Variants in VOPP1 observed in about 807,000 individuals in gnomAD.
The protein encoded by VOPP1 is WW domain binding protein VOPP1.
VOPP1 carries 8 observed loss-of-function variants against 23.5 expected under a neutral mutation model. The observed-to-expected ratio is 0.34, with a 90% CI of 0.20 to 0.61. The LOEUF (loss-of-function observed/expected upper bound fraction) is 0.61. Among genes scored for constraint, VOPP1 ranks in the 20% least tolerant of loss-of-function variants. The pLI is 0.78. For synonymous variants in VOPP1, 83 were observed against 97.3 expected (o/e 0.85, Z 0.86); for missense variants, 174 against 238.1 (o/e 0.73, Z 1.77).
At chr7:55,446,987 T>C (rs1791115402) in intron 4 of VOPP1, among the ~76,000 whole-genome samples, 1 of 152,214 alleles carries the variant, frequency 6.6e-6, no homozygotes, top group African/African-American at 2.4e-5. Context: ...GCTCTAGATA[T>C]CACATCAGTG....
intron 1 of VOPP1, among the ~76,000 whole-genome samples, chr7:55,528,863 T>C (rs936156550): frequency 3.9e-5 from 6 of 152,160 alleles, no homozygotes; most frequent in African/African-American, 1.4e-4. Context: ...AGAAAGTTTA[T>C]CATGGAAAAT....
chr7:55,544,212 T>C (rs60841392), intron 1 of VOPP1, among the ~76,000 whole-genome samples: 2,874 of 152,328 alleles, frequency 0.019, 94 homozygotes, highest in African/African-American at 0.065. Flanking sequence ...TTGTCAAAAA[T>C]CAACTGGCTG....
At chr7:55,538,750 G>A (rs1376687656) in intron 1 of VOPP1, 16 of 1,195,404 alleles carry the variant, frequency 1.3e-5, no homozygotes, top group Admixed American at 4.3e-5. Context: ...ATAAAGGAAC[G>A]CTTTCTAAGG....
intron 2 of VOPP1, among the ~76,000 whole-genome samples, chr7:55,517,138 G>A (rs1038775820): frequency 4.7e-5 from 7 of 150,490 alleles, no homozygotes; most frequent in African/African-American, 1.2e-4. Context: ...TAGTAGAGAC[G>A]GGGTTTCACC....
chr7:55,560,336 G>T (rs1797944124), intron 1 of VOPP1, among the ~76,000 whole-genome samples: 1 of 152,222 alleles, frequency 6.6e-6, no homozygotes, highest in Non-Finnish European at 1.5e-5. Context: ...GGGCTTTGCA[G>T]ACGTGATTAA....
intron 4 of VOPP1, among the ~76,000 whole-genome samples, chr7:55,491,734 A>G (rs917197121): frequency 1.3e-5 from 2 of 152,208 alleles, no homozygotes; most frequent in Non-Finnish European, 2.9e-5. Context: ...TTATGCACTA[A>G]ACAGACTACA....
intron 2 of VOPP1, among the ~76,000 whole-genome samples, chr7:55,506,134 C>A (rs1794708822): frequency 6.6e-6 from 1 of 152,226 alleles, no homozygotes; most frequent in Non-Finnish European, 1.5e-5. Flanking sequence ...CCAGGTCCTT[C>A]TAAAAATCTC....
rs531899759 is a variant in VOPP1 at position 55,570,081 on chromosome 7, C to A, written c.54+2190G>T. Among the ~76,000 whole-genome samples the A allele has an allele frequency of 7.2e-5, 11 of 152,304 alleles. 1 individual carries two copies. The East Asian group carries it at 2.1e-3, about 29-fold the overall frequency. On this transcript the variant is annotated intron_variant, in intron 1 of 4. Coordinates refer to ENST00000285279, the MANE Select transcript of VOPP1 (RefSeq NM_030796.5). The stretch of plus-strand genomic sequence containing the variant: ...GCTCCCTGGGTTGCTTTTATGCACT[C>A]AACCTGAAGAGAGCCATTTGCCATG...
At chr7:55,551,957 T>G (rs1361006413) in intron 1 of VOPP1, among the ~76,000 whole-genome samples, 1 of 147,650 alleles carries the variant, frequency 6.8e-6, no homozygotes, top group African/African-American at 2.6e-5. Flanking sequence ...TGAGAATCGC[T>G]TGAACCTAGG....
intron 1 of VOPP1, among the ~76,000 whole-genome samples, chr7:55,528,468 A>G (rs1796313841): frequency 6.6e-6 from 1 of 152,180 alleles, no homozygotes; most frequent in African/African-American, 2.4e-5. Context: ...TGAAAACTGG[A>G]TATGAAAAGA....
chr7:55,483,127 G>C (rs1562908797), intron 4 of VOPP1, among the ~76,000 whole-genome samples: 1 of 152,158 alleles, frequency 6.6e-6, no homozygotes. Flanking sequence ...ACTGTGGCCA[G>C]CACAGCCCAT....
At chr7:55,522,502 C>T (rs1795931485) in intron 1 of VOPP1, among the ~76,000 whole-genome samples, 1 of 152,140 alleles carries the variant, frequency 6.6e-6, no homozygotes, top group Non-Finnish European at 1.5e-5. Flanking sequence ...AGGTCTCTGC[C>T]CCAAATTATA....
intron 4 of VOPP1, among the ~76,000 whole-genome samples, chr7:55,464,848 T>C (rs749946294): frequency 6.6e-6 from 1 of 152,194 alleles, no homozygotes; most frequent in Non-Finnish European, 1.5e-5. Context: ...AGTGAAGTTC[T>C]TCTCTGGACT....
intron 1 of VOPP1, among the ~76,000 whole-genome samples, chr7:55,563,258 A>G (rs148876029): frequency 1.3e-5 from 2 of 152,350 alleles, no homozygotes; most frequent in East Asian, 3.9e-4. Flanking sequence ...ATTAGAAGAA[A>G]ATTCTATAAA....
Position 55,517,113 on chromosome 7 carries a change from T to C in VOPP1, c.113+3959A>G, listed in dbSNP as rs562531079. On this transcript the variant is annotated intron_variant, in intron 2 of 4. Coordinates refer to ENST00000285279, the MANE Select transcript of VOPP1 (RefSeq NM_030796.5). Reference sequence around the variant, plus strand: ...TGCTACCATGTCCAGCTAATATATATATATTTTTTTATTTTAGTAGAGACG... The same window carrying C: ...TGCTACCATGTCCAGCTAATATATACATATTTTTTTATTTTAGTAGAGACG... 4.0e-5 allele frequency among the ~76,000 whole-genome samples: 6 copies of C among 150,220 alleles called. No individual in the cohort carries two copies. In the South Asian group the frequency reaches 6.3e-4, roughly 16 times the overall value.
At position 55,561,745 on chromosome 7, in the gene VOPP1, T is replaced by C. The variant is rs538283360; in HGVS notation, c.54+10526A>G. Reference sequence around the variant, plus strand: ...GAAGAATTCACAGACTGCTCCCCTCTTCCAAAAAAAAAAAAAAACAAACAA... The same window carrying C: ...GAAGAATTCACAGACTGCTCCCCTCCTCCAAAAAAAAAAAAAAACAAACAA... On this transcript the variant is annotated intron_variant, in intron 1 of 4. Coordinates refer to ENST00000285279, the MANE Select transcript of VOPP1 (RefSeq NM_030796.5). 1.6e-3 allele frequency: 764 copies of C among 469,988 alleles called. 8 individuals are homozygous for C. The highest frequency in any genetic ancestry group is 0.016 in the African/African-American group (711 of 44,616). The allele number at this position is 469,988 out of a possible 1,614,324, so 29.1% of individuals were successfully genotyped here.
intron 1 of VOPP1, chr7:55,552,528 C>T (rs1234861157): frequency 1.4e-6 from 2 of 1,466,260 alleles, no homozygotes; most frequent in African/African-American, 2.8e-5. Context: ...TTACACATGC[C>T]CAGCAACACA....
At chr7:55,552,787 C>G in intron 1 of VOPP1, 1 of 1,513,518 alleles carries the variant, frequency 6.6e-7, no homozygotes, top group Non-Finnish European at 8.8e-7. Flanking sequence ...GCCTGTTCTC[C>G]TAGGAAACCT....
intron 4 of VOPP1, among the ~76,000 whole-genome samples, chr7:55,465,062 C>A (rs1292688608): frequency 6.6e-6 from 1 of 152,182 alleles, no homozygotes; most frequent in Non-Finnish European, 1.5e-5. Context: ...GCTTCCCTCT[C>A]CTTCCAAGCC....
Sources: allele counts gnomAD v4.1 joint callset (sites outside exome capture counted in the v4.1 genomes callset), GRCh38; gene constraint gnomAD v4.1.1; transcripts MANE v1.5; gene names NCBI Gene and HGNC (gene_info 2026-07-23, HGNC 2026-07-21).